GADL1: variants seen among roughly 807,000 people sequenced by gnomAD.
GADL1 encodes the protein acidic amino acid decarboxylase GADL1.
A neutral mutation model predicts 69.5 loss-of-function variants in GADL1; 71 were observed. That is an observed-to-expected ratio of 1.02 (90% CI 0.84 to 1.25). GADL1 has a LOEUF of 1.25. Ranked by LOEUF, GADL1 falls within the 50% of genes most tolerant of loss-of-function variation. The pLI, the probability that GADL1 is intolerant of heterozygous loss-of-function variation, is 0.00. For missense variants in GADL1, 737 were observed against 631.8 expected (o/e 1.17, Z -1.79); for synonymous variants, 254 against 214.4 (o/e 1.18, Z -1.62).
At chr3:30,817,257 C>A (rs9836482) in intron 11 of GADL1, among the ~76,000 whole-genome samples, 1 of 152,072 alleles carries the variant, frequency 6.6e-6, no homozygotes, top group South Asian at 2.1e-4. Context: ...AATAAATCCC[C>A]ATACAGGGAG....
chr3:30,733,923 G>A (rs55761648), intron 14 of GADL1, among the ~76,000 whole-genome samples: 13,279 of 152,142 alleles, frequency 0.087, 1,567 homozygotes, highest in African/African-American at 0.27. Context: ...CTCCAATGCA[G>A]TGGCTATCTA....
At chr3:30,786,291 GAA>G in intron 13 of GADL1, 62 bp downstream of exon 13, 1 of 997,576 alleles carries the variant, frequency 1.0e-6, no homozygotes, top group Non-Finnish European at 1.6e-6. Context: ...TAACAGATAA[GAA>G]AATTACCACC....
chr3:30,832,785 T>G (rs934758269), intron 11 of GADL1, among the ~76,000 whole-genome samples: 2 of 152,058 alleles, frequency 1.3e-5, no homozygotes, highest in African/African-American at 4.8e-5. Flanking sequence ...ATTTTGAAAC[T>G]TAAATTTAAA....
chr3:30,885,084 C>G (rs966108328), intron 1 of GADL1, among the ~76,000 whole-genome samples: 5 of 152,040 alleles, frequency 3.3e-5, no homozygotes, highest in Non-Finnish European at 5.9e-5. Flanking sequence ...TCAAGATGAT[C>G]ATTTGTAAAA....
At chr3:30,774,194 T>C (rs1361650964) in intron 14 of GADL1, among the ~76,000 whole-genome samples, 2 of 152,184 alleles carry the variant, frequency 1.3e-5, no homozygotes, top group Non-Finnish European at 2.9e-5. Flanking sequence ...TACTGGCATT[T>C]AGTAGGTGGA....
At chr3:30,837,552 C>T (rs1219559252) in intron 9 of GADL1, among the ~76,000 whole-genome samples, 1 of 152,078 alleles carries the variant, frequency 6.6e-6, no homozygotes, top group Non-Finnish European at 1.5e-5. Flanking sequence ...TTCTCTAAGC[C>T]CCATAAATCT....
chr3:30,754,552 A>G (rs1170678471), intron 14 of GADL1, among the ~76,000 whole-genome samples: 2 of 151,968 alleles, frequency 1.3e-5, no homozygotes, highest in Admixed American at 6.6e-5. Context: ...ACAGATGACA[A>G]AGAGTGTATT....
chr3:30,863,588 T>G (rs886684565), intron 1 of GADL1, among the ~76,000 whole-genome samples: 9 of 151,998 alleles, frequency 5.9e-5, no homozygotes, highest in African/African-American at 2.2e-4. Context: ...TTCTCCACCT[T>G]ATAATGTATA....
chr3:30,738,748 C>T (rs1227484031), intron 14 of GADL1, among the ~76,000 whole-genome samples: 1 of 152,156 alleles, frequency 6.6e-6, no homozygotes, highest in Non-Finnish European at 1.5e-5. Context: ...GCACTACTGC[C>T]TATTACAATA....
intron 6 of GADL1, among the ~76,000 whole-genome samples, chr3:30,849,393 T>C (rs1698109662): frequency 1.3e-5 from 2 of 152,024 alleles, no homozygotes; most frequent in South Asian, 4.1e-4. Flanking sequence ...AGAAATTAAC[T>C]CACTCAAGGT....
intron 14 of GADL1, among the ~76,000 whole-genome samples, chr3:30,755,390 T>C (rs1414450337): frequency 2.0e-5 from 3 of 152,146 alleles, no homozygotes; most frequent in Non-Finnish European, 2.9e-5. Context: ...TGTTTTTCTA[T>C]GTAGATATTC....
chr3:30,847,205 C>G (rs1405048694), intron 6 of GADL1, among the ~76,000 whole-genome samples: 2 of 152,174 alleles, frequency 1.3e-5, no homozygotes, highest in African/African-American at 4.8e-5. Flanking sequence ...GAGAGGCAAC[C>G]TTGGATATAT....
At position 30,786,415 on chromosome 3, in the gene GADL1, A is replaced by G. The variant is rs769630132; in HGVS notation, c.1251-9T>C. ...TTTCATCTACTAGGTACCTAAAATTAAAAGTCACAATAATATTTATAATCT... is the reference window on the plus strand; with the variant it reads ...TTTCATCTACTAGGTACCTAAAATTGAAAGTCACAATAATATTTATAATCT... On this transcript the variant is annotated splice_polypyrimidine_tract_variant and intron_variant, in intron 12 of 14. Coordinates refer to ENST00000282538, the MANE Select transcript of GADL1 (RefSeq NM_207359.3). The G allele has an allele frequency of 7.6e-7, 1 of 1,322,982 alleles. No individual in the cohort carries two copies. 82.0% of individuals were successfully genotyped at this position (1,322,982 alleles called of 1,614,324 possible).
intron 9 of GADL1, among the ~76,000 whole-genome samples, chr3:30,836,899 A>G (rs1168283150): frequency 6.6e-6 from 1 of 152,048 alleles, no homozygotes; most frequent in African/African-American, 2.4e-5. Flanking sequence ...GAAAGAGTCT[A>G]ATAAAACTAG....
intron 1 of GADL1, among the ~76,000 whole-genome samples, chr3:30,891,883 G>T (rs1698792710): frequency 6.6e-6 from 1 of 151,802 alleles, no homozygotes; most frequent in Non-Finnish European, 1.5e-5. Flanking sequence ...CAGAAATTTT[G>T]GTCCCAAATG....
intron 14 of GADL1, among the ~76,000 whole-genome samples, chr3:30,729,865 A>C (rs1007888906): frequency 6.6e-6 from 1 of 152,234 alleles, no homozygotes; most frequent in Non-Finnish European, 1.5e-5. Flanking sequence ...ATAACAAAAC[A>C]AACACCTATT....
At chr3:30,793,158 T>C (rs1696957683) in intron 12 of GADL1, among the ~76,000 whole-genome samples, 1 of 152,150 alleles carries the variant, frequency 6.6e-6, no homozygotes, top group Non-Finnish European at 1.5e-5. Context: ...TCTATTAAGA[T>C]CTCTTGGAAG....
chr3:30,751,438 C>T (rs951761414), intron 14 of GADL1, among the ~76,000 whole-genome samples: 6 of 148,746 alleles, frequency 4.0e-5, no homozygotes, highest in Non-Finnish European at 7.4e-5. Flanking sequence ...TCTTTCATTG[C>T]TTCTTTTATT....
At chr3:30,806,800 G>A (rs1697264425) in intron 11 of GADL1, among the ~76,000 whole-genome samples, 1 of 152,202 alleles carries the variant, frequency 6.6e-6, no homozygotes, top group Admixed American at 6.5e-5. Context: ...TAATTAAGGA[G>A]GTGGGCCATA....
Sources: allele counts gnomAD v4.1 joint callset (sites outside exome capture counted in the v4.1 genomes callset), GRCh38; gene constraint gnomAD v4.1.1; transcripts MANE v1.5; gene names NCBI Gene and HGNC (gene_info 2026-07-23, HGNC 2026-07-21).